The following TMED3 variants were observed in gnomAD, a reference collection of about 807,000 sequenced individuals.
TMED3 encodes the protein transmembrane p24 trafficking protein 3.
In TMED3, 9 loss-of-function variants were observed where a neutral mutation model predicts 15.0. The ratio of observed to expected loss-of-function variants is 0.60; its 90% CI spans 0.36 to 1.04. The LOEUF (loss-of-function observed/expected upper bound fraction) is 1.04, where lower values mean the gene tolerates loss of function less well. TMED3 is among the 50% of genes least tolerant of loss of function. The pLI is 0.01. For synonymous variants in TMED3, 117 were observed against 121.4 expected, an observed-to-expected ratio of 0.96 and a Z score of 0.24; for missense variants, 267 against 278.9, an observed-to-expected ratio of 0.96 and a Z score of 0.30.
intron 2 of TMED3, among the ~76,000 whole-genome samples, chr15:79,320,039 T>C (rs1353429505): frequency 6.6e-6 from 1 of 152,128 alleles, no homozygotes; most frequent in Admixed American, 6.5e-5. Flanking sequence ...TAGAGTCTTC[T>C]CTGAACTCCA....
Position 79,374,453 on chromosome 15 carries a change from T to A in TMED3, c.418-36947T>A, listed in dbSNP as rs529203477. Among the ~76,000 whole-genome samples the A allele has an allele frequency of 3.3e-5, 5 of 152,184 alleles. No homozygotes were observed. In the East Asian group the frequency reaches 7.7e-4, roughly 23 times the overall value. On this transcript the variant is annotated intron_variant, in intron 2 of 2. Coordinates refer to the TMED3 transcript ENST00000424155. ...GGCCAAGAGGAGTCCATTCAGTCAG[T>A]TGGGGGGCTTAGAATTTTATTTTTT...
chr15:79,327,336 A>G (rs2058791025), downstream of TMED3, among the ~76,000 whole-genome samples: 1 of 152,242 alleles, frequency 6.6e-6, no homozygotes, highest in African/African-American at 2.4e-5. Context: ...CCCAGTCTCC[A>G]GAACTGTGAG....
chr15:79,314,789 A>G (rs540871600), intron 2 of TMED3: 1 of 266,996 alleles, frequency 3.7e-6, no homozygotes, highest in African/African-American at 2.2e-5. Flanking sequence ...CATGGCTGTC[A>G]AGGTTCATTA....
At chr15:79,337,658 TCA>T (rs2058832038) in intron 2 of TMED3, among the ~76,000 whole-genome samples, 1 of 152,218 alleles carries the variant, frequency 6.6e-6, no homozygotes. Flanking sequence ...AAGATATCGA[TCA>T]CACACTCGCA....
intron 2 of TMED3, among the ~76,000 whole-genome samples, chr15:79,385,378 G>A (rs1412552108): frequency 1.3e-5 from 2 of 152,176 alleles, no homozygotes; most frequent in Non-Finnish European, 2.9e-5. Context: ...CACTTCCACA[G>A]CACCTCACAA....
intron 2 of TMED3, among the ~76,000 whole-genome samples, chr15:79,328,949 G>C (rs1357711002): frequency 1.3e-5 from 2 of 152,168 alleles, no homozygotes; most frequent in Non-Finnish European, 2.9e-5. Flanking sequence ...CACAGCCCAG[G>C]TTGCTGTTGG....
intron 2 of TMED3, among the ~76,000 whole-genome samples, chr15:79,357,324 G>GA (rs34231915): frequency 0.098 from 14,036 of 143,818 alleles, 679 homozygotes; most frequent in Admixed American, 0.12. Context: ...CATTTCTACA[G>GA]AAAAAAAAAA....
chr15:79,321,745 C>G (rs2058767670), intron 2 of TMED3, among the ~76,000 whole-genome samples: 1 of 152,204 alleles, frequency 6.6e-6, no homozygotes, highest in Non-Finnish European at 1.5e-5. Context: ...AGGACTCAGA[C>G]TCTAACTCAG....
chr15:79,403,131 A>G (rs1002617096), intron 2 of TMED3, among the ~76,000 whole-genome samples: 7 of 149,242 alleles, frequency 4.7e-5, no homozygotes, highest in African/African-American at 1.7e-4. Flanking sequence ...GCTGAGGCAC[A>G]AGAATCATTT....
At chr15:79,325,181 G>C (rs1283896690), downstream of TMED3, among the ~76,000 whole-genome samples, 1 of 152,174 alleles carries the variant, frequency 6.6e-6, no homozygotes, top group Non-Finnish European at 1.5e-5. Flanking sequence ...TGGTCTAATG[G>C]TGTTGGCTTG....
intron 2 of TMED3, among the ~76,000 whole-genome samples, chr15:79,317,626 CATACAT>C (rs1489101814): frequency 1.3e-5 from 2 of 152,224 alleles, no homozygotes; most frequent in African/African-American, 2.4e-5. Flanking sequence ...GTGTGCCACA[CATACAT>C]ATACACATAT....
intron 2 of TMED3, among the ~76,000 whole-genome samples, chr15:79,355,115 T>G (rs770191110): frequency 6.6e-6 from 1 of 152,152 alleles, no homozygotes; most frequent in Non-Finnish European, 1.5e-5. Flanking sequence ...ATCCCATTAT[T>G]GAGAACCCCA....
chr15:79,379,527 A>T (rs1010250807), intron 2 of TMED3, among the ~76,000 whole-genome samples: 3 of 152,186 alleles, frequency 2.0e-5, no homozygotes, highest in Non-Finnish European at 4.4e-5. Flanking sequence ...ACGAGCAATC[A>T]ATAATGAAGT....
At chr15:79,317,790 C>T (rs932227793) in intron 2 of TMED3, among the ~76,000 whole-genome samples, 1 of 152,210 alleles carries the variant, frequency 6.6e-6, no homozygotes, top group Non-Finnish European at 1.5e-5. Context: ...CCTGACATGG[C>T]GACCTTCTTA....
At chr15:79,385,835 T>C (rs566723186) in intron 2 of TMED3, among the ~76,000 whole-genome samples, 8 of 152,310 alleles carry the variant, frequency 5.3e-5, no homozygotes, top group Admixed American at 2.6e-4. Context: ...ACTGGCTTCA[T>C]GGAGTGTGCA....
chr15:79,360,883 G>C (rs537854954), intron 2 of TMED3, among the ~76,000 whole-genome samples: 1 of 152,074 alleles, frequency 6.6e-6, no homozygotes, highest in South Asian at 2.1e-4. Flanking sequence ...AGAGTCTCAC[G>C]GTGTCACCCA....
At position 79,322,169 on chromosome 15, in the gene TMED3, C is replaced by T. The variant is rs1432491398; in HGVS notation, c.609C>T (p.Ser203=). The T allele has an allele frequency of 6.2e-7, 1 of 1,614,206 alleles. No individual in the cohort carries two copies. Among genetic ancestry groups the T allele is most frequent in the Non-Finnish European group, 8.5e-7 (1 of 1,180,022 alleles). Residue 203 remains serine (S), a synonymous_variant, in exon 3 of 3, where the codon AGC becomes AGT. Transcript: ENST00000299705. ...VSFSQVLLLK[S]FFTEKRPISR... ...TCAGTCAGGTGCTACTGTTGAAAAG[C>T]TTCTTCACAGAAAAACGACCCATCA...
chr15:79,376,356 A>G (rs1893428082), intron 2 of TMED3, among the ~76,000 whole-genome samples: 2 of 152,228 alleles, frequency 1.3e-5, no homozygotes, highest in African/African-American at 4.8e-5. Flanking sequence ...AGAGATAGAT[A>G]TTATTGGTCA....
chr15:79,322,557 C>A lies in TMED3; in HGVS notation c.*343C>A. 1 of 1,105,790 alleles carries A rather than the reference C, an allele frequency of 9.0e-7. No individual in the cohort carries two copies. The highest frequency in any genetic ancestry group is 1.1e-6 in the Non-Finnish European group (1 of 906,378). The allele number at this position is 1,105,790 out of a possible 1,614,324, so 68.5% of individuals were successfully genotyped here. ...CCCAGGCCTCTTGGGCAGCTTAGGG[C>A]CCTGCCTCTGTTTCATGATGCATGG... On this transcript the variant is annotated 3_prime_UTR_variant, in exon 3 of 3. Transcript: ENST00000299705.
Sources: gnomAD v4.1 joint callset for allele counts (sites outside exome capture counted in the v4.1 genomes callset) on GRCh38, gnomAD v4.1.1 for gene constraint, MANE v1.5 for transcripts, NCBI Gene and HGNC (gene_info 2026-07-23, HGNC 2026-07-21) for gene names.